The following DOCK1 variants were observed in gnomAD, a reference collection of about 807,000 sequenced individuals.
The protein encoded by DOCK1 is dedicator of cytokinesis protein 1.
A neutral mutation model predicts 262.7 loss-of-function variants in DOCK1; 138 were observed. The ratio of observed to expected loss-of-function variants is 0.53; its 90% CI spans 0.46 to 0.61. DOCK1 has a LOEUF of 0.61. Ranked by LOEUF, DOCK1 falls within the 20% of genes least tolerant of loss-of-function variation. The pLI is 0.00. For missense variants in DOCK1, 1,908 were observed against 2,370.7 expected (o/e 0.80, Z 4.05); for synonymous variants, 866 against 867.4 (o/e 1.00, Z 0.03).
At position 127,175,530 on chromosome 10, in the gene DOCK1, C is replaced by T. The variant is rs773235819; in HGVS notation, c.2847+47766C>T. ...GAGCCCGTTGAGATGTGTGGCTCTC[C>T]TCCGCTCGTCATCTGCCGGGCAGAG... On this transcript the variant is annotated intron_variant, in intron 27 of 51. Coordinates refer to ENST00000623213, the MANE Select transcript of DOCK1 (RefSeq NM_001290223.2). This position sits in a 1 kb window ranked among gnomAD's most constrained non-coding sequence, Gnocchi z 6.3. 3.1e-6 allele frequency: 5 copies of T among 1,610,122 alleles called. No individual in the cohort carries two copies. The highest frequency in any genetic ancestry group is 2.2e-5 in the East Asian group (1 of 44,862).
Position 127,122,765 on chromosome 10 carries a change from C to T in DOCK1, c.2624-2709C>T, listed in dbSNP as rs540636545. Among the ~76,000 whole-genome samples the T allele has an allele frequency of 8.6e-5, 13 of 152,014 alleles. No individual in the cohort carries two copies. In the East Asian group the frequency reaches 1.4e-3, roughly 16 times the overall value. ...CTGGATAGCAAACAGGTGAAGGTAG[C>T]GCAGTCCTCCAGGTGGGGTGGATGG... On this transcript the variant is annotated intron_variant, in intron 25 of 51. Coordinates refer to ENST00000623213, the MANE Select transcript of DOCK1 (RefSeq NM_001290223.2).
intron 38 of DOCK1, among the ~76,000 whole-genome samples, chr10:127,399,487 G>C (rs1369342324): frequency 6.6e-6 from 1 of 151,010 alleles, no homozygotes; most frequent in African/African-American, 2.4e-5. Context: ...GCCAGGGGTA[G>C]CAGGGAGGGA....
At chr10:127,313,936 C>T (rs545591059) in intron 29 of DOCK1, among the ~76,000 whole-genome samples, 49 of 152,264 alleles carry the variant, frequency 3.2e-4, no homozygotes, top group African/African-American at 1.1e-3. Context: ...GATCTCCCTC[C>T]GATGTGCACA....
chr10:126,951,144 T>A (rs1315455007), intron 1 of DOCK1, among the ~76,000 whole-genome samples: 1 of 151,588 alleles, frequency 6.6e-6, no homozygotes, highest in African/African-American at 2.4e-5. Flanking sequence ...TTAGCATGGT[T>A]GTTGGTGGTA....
At chr10:127,142,793 A>C (rs1447571387) in intron 27 of DOCK1, among the ~76,000 whole-genome samples, 1 of 152,204 alleles carries the variant, frequency 6.6e-6, no homozygotes, top group African/African-American at 2.4e-5. Flanking sequence ...TGCTCTTGGC[A>C]AGTCCCTGTG....
chr10:126,987,518 C>T lies in DOCK1; in HGVS notation c.228-3C>T. 1 of 1,574,232 alleles carries T rather than the reference C, an allele frequency of 6.4e-7. No homozygotes were observed. The highest frequency in any genetic ancestry group is 8.6e-7 in the Non-Finnish European group (1 of 1,159,526). ...CAGCTGCTCTTTCCTTCTTTCCTCCCAGGCAACATGAAACAGTCATCCCGG... is the reference window on the plus strand; with the variant it reads ...CAGCTGCTCTTTCCTTCTTTCCTCCTAGGCAACATGAAACAGTCATCCCGG... On this transcript the variant is annotated splice_polypyrimidine_tract_variant and splice_region_variant and intron_variant, in intron 4 of 51. Coordinates refer to ENST00000623213, the MANE Select transcript of DOCK1 (RefSeq NM_001290223.2).
At chr10:127,326,045 T>C (rs1007724916) in intron 29 of DOCK1, among the ~76,000 whole-genome samples, 2 of 152,266 alleles carry the variant, frequency 1.3e-5, no homozygotes, top group African/African-American at 2.4e-5. Flanking sequence ...AAATACTTTA[T>C]TGTTAAACAA....
chr10:127,252,083 T>C (rs1464301792), intron 28 of DOCK1, among the ~76,000 whole-genome samples: 1 of 149,916 alleles, frequency 6.7e-6, no homozygotes, highest in Non-Finnish European at 1.5e-5. Flanking sequence ...CCATTCTAAC[T>C]GGTGTGAGAT....
chr10:127,152,623 C>T (rs961199050), intron 27 of DOCK1, among the ~76,000 whole-genome samples: 3 of 152,190 alleles, frequency 2.0e-5, no homozygotes, highest in South Asian at 2.1e-4. Flanking sequence ...GGGGGTTGCC[C>T]TGTGCAGGCA....
intron 11 of DOCK1, among the ~76,000 whole-genome samples, chr10:127,010,642 C>T (rs1428476133): frequency 6.6e-6 from 1 of 152,146 alleles, no homozygotes; most frequent in Non-Finnish European, 1.5e-5. Context: ...TTTGTAGTCC[C>T]ATCCAGTGAG....
rs1180814401 is a variant in DOCK1 at position 127,250,791 on chromosome 10, C to CAAAAAAAA, written c.2949+2706_2949+2713dup. Among the ~76,000 whole-genome samples the CAAAAAAAA allele has an allele frequency of 2.5e-4, 16 of 64,064 alleles. 1 individual carries two copies. Among genetic ancestry groups the CAAAAAAAA allele is most frequent in the African/African-American group, 3.5e-4 (5 of 14,382 alleles). The allele number at this position is 64,064 out of a possible 152,430, so 42.0% of individuals were successfully genotyped here. A position where few individuals can be genotyped will look rare whatever the true frequency, so the allele number is the denominator to read the frequency against. On this transcript the variant is annotated intron_variant, in intron 28 of 51. Transcript: ENST00000623213. ...TGGGCGACACAGTGAGACTCCGTCT[C>CAAAAAAAA]AAAAAAAAAAAAAAAAAAAAAAAAA...
chr10:126,918,528 G>T (rs1452660273), intron 1 of DOCK1, among the ~76,000 whole-genome samples: 6 of 152,214 alleles, frequency 3.9e-5, no homozygotes, highest in Non-Finnish European at 8.8e-5. Context: ...ACCCTGGGGA[G>T]CTGTCCTGTA....
At chr10:127,241,514 G>A (rs2059263334) in intron 27 of DOCK1, among the ~76,000 whole-genome samples, 1 of 152,126 alleles carries the variant, frequency 6.6e-6, no homozygotes, top group Non-Finnish European at 1.5e-5. Flanking sequence ...AGAGCATGGA[G>A]GCGCATGGGC....
intron 29 of DOCK1, among the ~76,000 whole-genome samples, chr10:127,301,945 CAAAAAAAAAAAA>C (rs532284873): frequency 1.1e-5 from 1 of 89,448 alleles, no homozygotes; most frequent in Admixed American, 1.3e-4. Context: ...GACTCCATCT[CAAAAAAAAAAAA>C]AAAGAAAAAA....
chr10:127,333,252 A>C (rs942624255), intron 29 of DOCK1, among the ~76,000 whole-genome samples: 1 of 152,168 alleles, frequency 6.6e-6, no homozygotes, highest in Non-Finnish European at 1.5e-5. Flanking sequence ...AAGGAATTTA[A>C]ATACCCCCAC....
At chr10:127,001,793 A>C (rs11017219) in intron 10 of DOCK1, among the ~76,000 whole-genome samples, 6,969 of 152,266 alleles carry the variant, frequency 0.046, 222 homozygotes, top group Non-Finnish European at 0.069. Context: ...TGTGAGTGAA[A>C]ATGGTGAGGG....
chr10:127,206,203 G>A (rs2057715987), intron 27 of DOCK1, among the ~76,000 whole-genome samples: 1 of 133,790 alleles, frequency 7.5e-6, no homozygotes, highest in Non-Finnish European at 1.5e-5. Context: ...TAGTGCAGTG[G>A]TGCAAGCTCA....
intron 33 of DOCK1, among the ~76,000 whole-genome samples, chr10:127,362,900 T>C (rs867926850): frequency 1.7e-3 from 19 of 10,936 alleles, no homozygotes; most frequent in African/African-American, 4.6e-3. Flanking sequence ...CACACACACA[T>C]GTACATCTCC....
chr10:127,117,152 C>T (rs563273754), intron 25 of DOCK1, among the ~76,000 whole-genome samples: 18 of 152,312 alleles, frequency 1.2e-4, no homozygotes, highest in Non-Finnish European at 1.9e-4. Context: ...TGTTTCAATT[C>T]CATCATAATT....
Sources: allele counts gnomAD v4.1 joint callset (sites outside exome capture counted in the v4.1 genomes callset), GRCh38; gene constraint gnomAD v4.1.1; non-coding constraint Gnocchi (gnomAD v3.1); transcripts MANE v1.5; gene names NCBI Gene and HGNC (gene_info 2026-07-23, HGNC 2026-07-21).